The following SEMA3A variants were observed in gnomAD, a reference collection of about 807,000 sequenced individuals.
The protein encoded by SEMA3A is semaphorin 3A.
SEMA3A carries 29 observed loss-of-function variants against 97.9 expected under a neutral mutation model. The ratio of observed to expected loss-of-function variants is 0.30; its 90% confidence interval spans 0.22 to 0.40. The LOEUF is 0.40. Ranked by LOEUF, SEMA3A falls within the 10% of genes least tolerant of loss-of-function variation. SEMA3A has a pLI of 1.00. For synonymous variants in SEMA3A, 321 were observed against 323.7 expected (o/e 0.99, Z 0.09); for missense variants, 763 against 951.3 (o/e 0.80, Z 2.60).
intron 1 of SEMA3A, among the ~76,000 whole-genome samples, chr7:84,455,540 A>G (rs547684937): frequency 6.6e-6 from 1 of 152,082 alleles, no homozygotes; most frequent in South Asian, 2.1e-4. Flanking sequence ...TGTTAATTTC[A>G]GGAAGGCAAG....
chr7:84,099,838 C>G (rs1032147498), intron 4 of SEMA3A, among the ~76,000 whole-genome samples: 20 of 152,014 alleles, frequency 1.3e-4, no homozygotes, highest in African/African-American at 3.9e-4. Flanking sequence ...GCTATAGCCT[C>G]AAAAGAGGAT....
At chr7:84,171,969 A>G (rs1797396087) in intron 1 of SEMA3A, among the ~76,000 whole-genome samples, 1 of 152,224 alleles carries the variant, frequency 6.6e-6, no homozygotes, top group Admixed American at 6.5e-5. Context: ...TTCAAGTGGT[A>G]GCAGAAGAAA....
At chr7:84,418,196 T>C (rs959342829) in intron 1 of SEMA3A, among the ~76,000 whole-genome samples, 4 of 152,088 alleles carry the variant, frequency 2.6e-5, no homozygotes, top group African/African-American at 9.7e-5. Context: ...TACCCAAGAC[T>C]GGGCAATTTA....
intron 3 of SEMA3A, among the ~76,000 whole-genome samples, chr7:84,292,541 C>CAATTTATTTA (rs1800775799): frequency 2.6e-5 from 4 of 151,822 alleles, no homozygotes; most frequent in African/African-American, 9.7e-5. Context: ...AGAGAAGAGC[C>CAATTTATTTA]TTTATTCTGA....
At chr7:84,196,448 G>A (rs1265382823), upstream of SEMA3A, among the ~76,000 whole-genome samples, 1 of 152,010 alleles carries the variant, frequency 6.6e-6, no homozygotes, top group Non-Finnish European at 1.5e-5. Flanking sequence ...AGGAAGAGGA[G>A]GATTTAAAGA....
At chr7:84,285,986 AAAG>A (rs1200006183) in intron 3 of SEMA3A, among the ~76,000 whole-genome samples, 2,952 of 150,478 alleles carry the variant, frequency 0.02, 86 homozygotes, top group African/African-American at 0.068. Flanking sequence ...AAAAAAAAAA[AAAG>A]AAGAAGAAGA....
At chr7:84,433,038 T>C (rs1201004614) in intron 1 of SEMA3A, among the ~76,000 whole-genome samples, 1 of 151,944 alleles carries the variant, frequency 6.6e-6, no homozygotes, top group African/African-American at 2.4e-5. Context: ...TTCCTTCCTC[T>C]CCATAGCCTC....
At chr7:84,146,193 C>T (rs901937051) in intron 1 of SEMA3A, among the ~76,000 whole-genome samples, 18 of 152,086 alleles carry the variant, frequency 1.2e-4, no homozygotes, top group Non-Finnish European at 2.5e-4. Context: ...CACATTAGTT[C>T]TCTTAGATGT....
chr7:84,074,001 C>T (rs939357447), intron 4 of SEMA3A, among the ~76,000 whole-genome samples: 1 of 151,924 alleles, frequency 6.6e-6, no homozygotes, highest in East Asian at 1.9e-4. Flanking sequence ...ATTTTAAGGT[C>T]GTATCACTCT....
intron 3 of SEMA3A, among the ~76,000 whole-genome samples, chr7:84,113,883 A>T (rs1160366905): frequency 6.6e-6 from 1 of 152,102 alleles, no homozygotes; most frequent in East Asian, 1.9e-4. Context: ...CTTAGTGACA[A>T]ACCACTTACC....
chr7:84,384,899 T>C (rs938502608), intron 1 of SEMA3A, among the ~76,000 whole-genome samples: 2 of 152,160 alleles, frequency 1.3e-5, no homozygotes, highest in African/African-American at 4.8e-5. Flanking sequence ...AGAAACACTC[T>C]TAACTACTAT....
At chr7:84,093,999 A>C (rs944661140) in intron 4 of SEMA3A, among the ~76,000 whole-genome samples, 5 of 151,886 alleles carry the variant, frequency 3.3e-5, no homozygotes, top group African/African-American at 1.2e-4. Context: ...AATTGCTAGG[A>C]AAAAAGGTAG....
intron 3 of SEMA3A, among the ~76,000 whole-genome samples, chr7:84,263,153 T>C (rs1799900213): frequency 6.6e-6 from 1 of 152,210 alleles, no homozygotes; most frequent in Non-Finnish European, 1.5e-5. Context: ...GCAAAATATT[T>C]TTCCACTTCC....
In SEMA3A at chr7:84,450,119, T is replaced by C. The variant is rs1805519110; in HGVS notation, c.-246+42341A>G. ...ATCCAAAAGTTGGATTGCAGGGTCA[T>C]AAGGTAGTTTTATATTTAATTTTTT... On this transcript the variant is annotated intron_variant, in intron 1 of 3. Coordinates refer to the SEMA3A transcript ENST00000424555. Among the ~76,000 whole-genome samples, 3 of 152,272 alleles carry C rather than the reference T, an allele frequency of 2.0e-5. No homozygotes were observed. In the South Asian group the frequency reaches 6.2e-4, roughly 32 times the overall value.
At chr7:84,047,696 T>C (rs1792409247) in intron 5 of SEMA3A, among the ~76,000 whole-genome samples, 1 of 152,098 alleles carries the variant, frequency 6.6e-6, no homozygotes, top group South Asian at 2.1e-4. Flanking sequence ...ACAGTATATC[T>C]TAATATTATC....
At chr7:84,104,992 C>A (rs1159269037) in intron 4 of SEMA3A, among the ~76,000 whole-genome samples, 2 of 152,070 alleles carry the variant, frequency 1.3e-5, no homozygotes, top group African/African-American at 4.8e-5. Context: ...TGGCTCAGGT[C>A]CATAGTGCAA....
intron 7 of SEMA3A, among the ~76,000 whole-genome samples, chr7:84,013,393 A>G (rs1790963494): frequency 6.6e-6 from 1 of 152,156 alleles, no homozygotes; most frequent in Non-Finnish European, 1.5e-5. Flanking sequence ...TAAGTGAAAT[A>G]CCTCAGATAG....
chr7:83,965,316 T>C (rs1428907245), intron 15 of SEMA3A, among the ~76,000 whole-genome samples: 2 of 151,748 alleles, frequency 1.3e-5, no homozygotes, highest in African/African-American at 2.4e-5. Flanking sequence ...ATGAATTATA[T>C]ATGACATCAA....
chr7:84,302,118 T>G (rs1801032554), intron 3 of SEMA3A, among the ~76,000 whole-genome samples: 1 of 152,082 alleles, frequency 6.6e-6, no homozygotes, highest in Non-Finnish European at 1.5e-5. Context: ...AAAAATCAAC[T>G]ACTAATACAC....
Sources: gnomAD v4.1 joint callset for allele counts (sites outside exome capture counted in the v4.1 genomes callset) on GRCh38, gnomAD v4.1.1 for gene constraint, MANE v1.5 for transcripts, NCBI Gene and HGNC (gene_info 2026-07-23, HGNC 2026-07-21) for gene names.